RBM6: variants seen among roughly 807,000 people sequenced by gnomAD.
The protein encoded by RBM6 is RNA binding motif protein 6, also known as RNA-binding protein 6.
A neutral mutation model predicts 140.4 loss-of-function variants in RBM6; 23 were observed. That is an observed-to-expected ratio of 0.16 (90% CI 0.12 to 0.23). RBM6 has a LOEUF of 0.23. RBM6 is among the 10% of genes least tolerant of loss of function. RBM6 has a pLI of 1.00. For synonymous variants in RBM6, 439 were observed against 475.6 expected (o/e 0.92, Z 1.00); for missense variants, 1,139 against 1,386.7 (o/e 0.82, Z 2.84).
chr3:49,974,804 A>G (rs2084987595), intron 4 of RBM6, among the ~76,000 whole-genome samples: 1 of 148,342 alleles, frequency 6.7e-6, no homozygotes, highest in South Asian at 2.1e-4. Flanking sequence ...CTCCTGCCTC[A>G]GCCTTCCAAG....
chr3:49,999,399 C>CACTAA (rs1300181375), intron 5 of RBM6, 41 bp from the exon 6 acceptor site: 1 of 1,523,468 alleles, frequency 6.6e-7, no homozygotes, highest in Non-Finnish European at 9.1e-7. Flanking sequence ...GTTTGCAAGG[C>CACTAA]ACTAACACCA....
At chr3:50,047,893 G>A (rs2089294141) in intron 6 of RBM6, among the ~76,000 whole-genome samples, 1 of 152,190 alleles carries the variant, frequency 6.6e-6, no homozygotes, top group Non-Finnish European at 1.5e-5. Flanking sequence ...TCTTGATAGT[G>A]TGCTAGCTCC....
At chr3:49,958,463 C>A (rs1327985984) in intron 1 of RBM6, among the ~76,000 whole-genome samples, 1 of 152,072 alleles carries the variant, frequency 6.6e-6, no homozygotes, top group South Asian at 2.1e-4. Context: ...GTAGTCCCAG[C>A]TACTCGGGAG....
chr3:50,008,094 T>A (rs1462591603), intron 6 of RBM6, among the ~76,000 whole-genome samples: 1 of 152,138 alleles, frequency 6.6e-6, no homozygotes, highest in Non-Finnish European at 1.5e-5. Flanking sequence ...AGATGCTGTC[T>A]CTCAAAGCAA....
chr3:49,941,913 C>T (rs2083298902), intron 1 of RBM6, among the ~76,000 whole-genome samples: 1 of 146,614 alleles, frequency 6.8e-6, no homozygotes, highest in Admixed American at 6.8e-5. Context: ...GGCAACATCG[C>T]AAAACCCTGT....
chr3:50,074,137 G>T (rs2090389528), intron 19 of RBM6, among the ~76,000 whole-genome samples: 1 of 152,022 alleles, frequency 6.6e-6, no homozygotes, highest in African/African-American at 2.4e-5. Flanking sequence ...CCACCAAGCA[G>T]CCTTACCTTT....
chr3:50,054,450 T>C (rs1344866663), intron 8 of RBM6, 55 bp downstream of exon 8: 1 of 1,422,930 alleles, frequency 7.0e-7, no homozygotes, highest in Non-Finnish European at 9.9e-7. Flanking sequence ...AAAACAAATT[T>C]CATGTTTTCC....
intron 1 of RBM6, among the ~76,000 whole-genome samples, chr3:49,951,269 G>A (rs1379161096): frequency 1.3e-5 from 2 of 152,064 alleles, no homozygotes; most frequent in Non-Finnish European, 2.9e-5. Context: ...CTGGAGTACA[G>A]TGGTGTGATC....
rs976442599 is a variant in RBM6 at position 50,075,251 on chromosome 3, G to T, written c.3167G>T (p.Gly1056Val). Residue 1056 changes from glycine (G) to valine (V), a missense_variant, in exon 20 of 21, where the codon GGC (glycine) becomes GTC (valine). Physicochemically the swap from Gly to Val is moderately radical, Grantham distance 109. Around this residue, in one of 9 missense-constraint regions of RBM6, gnomAD observed 125 missense variants for 142.0 expected, o/e 0.88. Coordinates refer to ENST00000266022, the MANE Select transcript of RBM6 (RefSeq NM_005777.3). ...KEDIDTSSKG[G>V]CVQQATGWRK... Reference sequence around the variant, plus strand: ...GATATCGACACTAGCAGCAAAGGAGGCTGTGTCCAACAGGCTACTGGCTGG... The same window carrying T: ...GATATCGACACTAGCAGCAAAGGAGTCTGTGTCCAACAGGCTACTGGCTGG... The T allele has an allele frequency of 5.0e-6, 8 of 1,614,050 alleles. No homozygotes were observed. The highest frequency in any genetic ancestry group is 1.3e-5 in the African/African-American group (1 of 74,928).
At chr3:49,969,894 A>C (rs988976817) in intron 3 of RBM6, among the ~76,000 whole-genome samples, 2 of 151,406 alleles carry the variant, frequency 1.3e-5, no homozygotes, top group Non-Finnish European at 2.9e-5. Flanking sequence ...TCAGCCTTCC[A>C]GGAAGCTGGG....
chr3:49,999,454 T>C lies in RBM6; in HGVS notation c.1498T>C (p.Tyr500His). ...KEYNTGYDYGYVCVEFSLLED... is the reference protein window; with the variant it reads ...KEYNTGYDYGHVCVEFSLLED... ...GCTGTCCCCAGGTTACGACTATGGC[T>C]ATGTCTGCGTGGAGTTTTCACTCTT... Residue 500 changes from tyrosine to histidine, a missense_variant, in exon 6 of 21, where the codon TAT (tyrosine) becomes CAT (histidine). This residue lies in a region of RBM6 where 58 missense variants were observed against 99.7 expected (regional missense o/e 0.58). Transcript: ENST00000266022. 6.2e-7 allele frequency: 1 copy of C among 1,613,916 alleles called. No homozygotes were observed. The highest frequency in any genetic ancestry group is 8.5e-7 in the Non-Finnish European group (1 of 1,179,836).
chr3:50,019,740 G>A (rs1299568283), intron 6 of RBM6, among the ~76,000 whole-genome samples: 4 of 151,990 alleles, frequency 2.6e-5, no homozygotes, highest in African/African-American at 9.7e-5. Context: ...TAAGTGTGAT[G>A]TTAGCTATAG....
intron 2 of RBM6, among the ~76,000 whole-genome samples, chr3:49,966,563 T>G (rs941348014): frequency 6.6e-6 from 1 of 152,192 alleles, no homozygotes; most frequent in Non-Finnish European, 1.5e-5. Flanking sequence ...TAATACTATG[T>G]CTATTTTTAA....
intron 19 of RBM6, among the ~76,000 whole-genome samples, chr3:50,071,470 A>G (rs891346515): frequency 5.3e-5 from 8 of 152,166 alleles, no homozygotes; most frequent in African/African-American, 1.9e-4. Flanking sequence ...TGCAAATTCT[A>G]TAGTAATTCA....
intron 6 of RBM6, among the ~76,000 whole-genome samples, chr3:50,033,093 T>C (rs2088279678): frequency 6.6e-6 from 1 of 151,956 alleles, no homozygotes; most frequent in Non-Finnish European, 1.5e-5. Context: ...GGTCAGGAGT[T>C]TGAGACCAGC....
At position 49,968,074 on chromosome 3, in the gene RBM6, A is replaced by G. The variant is rs1259051421; in HGVS notation, c.649A>G (p.Asn217Asp). ...AREQSRSDFR[N>D]RDVSDLDFRD... ...AGAACAGTCCCGTTCTGATTTTAGG[A>G]ATAGAGATGTATCTGATTTGGACTT... The change falls in exon 3 of 21, where the codon AAT becomes GAT. Residue 217 changes from asparagine to aspartate, a missense_variant. Around this residue, in one of 9 missense-constraint regions of RBM6, gnomAD observed 566 missense variants for 612.7 expected, o/e 0.92. Transcript: ENST00000266022. The G allele has an allele frequency of 6.2e-7, 1 of 1,614,140 alleles. No individual in the cohort carries two copies. The highest frequency in any genetic ancestry group is 1.7e-5 in the Admixed American group (1 of 60,008).
intron 2 of RBM6, among the ~76,000 whole-genome samples, chr3:49,963,319 C>T (rs1052797368): frequency 1.3e-5 from 2 of 151,696 alleles, no homozygotes; most frequent in Non-Finnish European, 1.5e-5. Context: ...CTGCAACATC[C>T]GCCTCCCGTG....
At chr3:50,044,801 A>G (rs1367723166) in intron 6 of RBM6, among the ~76,000 whole-genome samples, 2 of 152,226 alleles carry the variant, frequency 1.3e-5, no homozygotes, top group East Asian at 3.8e-4. Context: ...TGGGGAATCA[A>G]ATCATAGATA....
chr3:50,022,455 C>T (rs543316005), intron 6 of RBM6, among the ~76,000 whole-genome samples: 48 of 151,946 alleles, frequency 3.2e-4, no homozygotes, highest in African/African-American at 1.2e-3. Flanking sequence ...CTCAGCTTCC[C>T]GAGTAGCTGG....
Sources: gnomAD v4.1 joint callset for allele counts (sites outside exome capture counted in the v4.1 genomes callset) on GRCh38, gnomAD v4.1.1 for gene constraint, gnomAD v4.1.1 regional missense constraint, MANE v1.5 for transcripts, NCBI Gene and HGNC (gene_info 2026-07-23, HGNC 2026-07-21) for gene names.